The following PLEKHG7 variants were observed in gnomAD, a reference collection of about 807,000 sequenced individuals.
PLEKHG7 encodes pleckstrin homology and RhoGEF domain containing G7, also known as pleckstrin homology domain-containing family G member 7.
In PLEKHG7, 77 loss-of-function variants were observed where a neutral mutation model predicts 85.2. The ratio of observed to expected loss-of-function variants is 0.90; its 90% CI spans 0.75 to 1.09. The LOEUF is 1.09. PLEKHG7 is among the 50% of genes least tolerant of loss of function. PLEKHG7 has a pLI of 0.00. For missense variants in PLEKHG7, 777 were observed against 804.3 expected (o/e 0.97, Z 0.41); for synonymous variants, 301 against 302.4 (o/e 1.00, Z 0.05).
intron 13 of PLEKHG7, among the ~76,000 whole-genome samples, chr12:92,758,957 C>G (rs1288285240): frequency 6.6e-6 from 1 of 152,204 alleles, no homozygotes; most frequent in Non-Finnish European, 1.5e-5. Flanking sequence ...GTCAGGGGAT[C>G]TAGCACCAAT....
chr12:92,771,733 T>C lies in PLEKHG7; in HGVS notation c.*1538T>C, dbSNP rs1013862304. ...CAATCATCTTGCAAATGTTTAGATA[T>C]AAACTAACCTCGGAGGTGAGCAGTG... is the stretch of plus-strand genomic sequence containing the variant. On this transcript the variant is annotated 3_prime_UTR_variant, in exon 17 of 17. Transcript: ENST00000344636. The C allele has an allele frequency of 6.6e-6, 1 of 152,024 alleles. No homozygotes were observed. The highest frequency in any genetic ancestry group is 1.5e-5 in the Non-Finnish European group (1 of 67,926). 9.4% of individuals were successfully genotyped at this position (152,024 alleles called of 1,614,324 possible). A position where few individuals can be genotyped will look rare whatever the true frequency, so the allele number is the denominator to read the frequency against.
At chr12:92,735,314 T>C (rs544088678) in intron 5 of PLEKHG7, among the ~76,000 whole-genome samples, 2 of 152,318 alleles carry the variant, frequency 1.3e-5, no homozygotes, top group East Asian at 1.9e-4. Flanking sequence ...GAGTCTACAA[T>C]AGGTTTCCTC....
chr12:92,753,586 TTCTAGATCAACTGAGCC>T (rs1872748642), intron 10 of PLEKHG7, among the ~76,000 whole-genome samples: 1 of 152,226 alleles, frequency 6.6e-6, no homozygotes, highest in Non-Finnish European at 1.5e-5. Context: ...CCTCTCTTTG[TTCTAGATCAACTGAGCC>T]TCTTCAACTT....
At chr12:92,737,604 TAAAGA>T in intron 7 of PLEKHG7, 83 bp downstream of exon 7, 1 of 1,192,262 alleles carries the variant, frequency 8.4e-7, no homozygotes, top group Non-Finnish European at 1.1e-6. Context: ...CTGAAAGAAA[TAAAGA>T]AAAGAAAGAG....
intron 3 of PLEKHG7, among the ~76,000 whole-genome samples, chr12:92,708,821 C>A (rs1052015322): frequency 6.6e-6 from 1 of 152,142 alleles, no homozygotes; most frequent in Non-Finnish European, 1.5e-5. Context: ...TTGAACTCAG[C>A]GTCAGGGAAT....
chr12:92,706,655 T>C lies in PLEKHG7; in HGVS notation c.24T>C (p.Cys8=). The change falls in exon 2 of 17, where the codon TGT becomes TGC. Residue 8 remains cysteine (C), a synonymous_variant. Coordinates refer to ENST00000344636, the MANE Select transcript of PLEKHG7 (RefSeq NM_001377329.1). MEKTESF[C]PEVPPQDCGA... The stretch of plus-strand genomic sequence containing the variant: ...TTATGGAGAAAACAGAGTCATTCTG[T>C]CCAGAGGTGCCACCCCAAGACTGTG... 1 of 1,613,634 alleles carries C rather than the reference T, an allele frequency of 6.2e-7. No individual in the cohort carries two copies. The highest frequency in any genetic ancestry group is 8.5e-7 in the Non-Finnish European group (1 of 1,179,812).
intron 3 of PLEKHG7, among the ~76,000 whole-genome samples, chr12:92,723,808 T>C (rs1412716466): frequency 1.3e-5 from 2 of 152,104 alleles, no homozygotes; most frequent in South Asian, 4.1e-4. Context: ...AAGAAGGGGT[T>C]GGGGAAGATG....
chr12:92,707,169 G>A, intron 2 of PLEKHG7, 31 bp downstream of exon 2: 1 of 1,583,580 alleles, frequency 6.3e-7, no homozygotes, highest in East Asian at 2.2e-5. Context: ...CGGCCTCTCA[G>A]TTGCTGAACC....
chr12:92,772,442 T>A lies in PLEKHG7; in HGVS notation c.*2247T>A, dbSNP rs561991440. 3.9e-5 allele frequency: 6 copies of A among 151,944 alleles called. No individual in the cohort carries two copies. The highest frequency in any genetic ancestry group is 8.9e-5 in the Non-Finnish European group (6 of 67,780). The allele number at this position is 151,944 out of a possible 1,614,324, so 9.4% of individuals were successfully genotyped here. On this transcript the variant is annotated 3_prime_UTR_variant, in exon 17 of 17. Transcript: ENST00000344636. ...TCCTAATATTCTGTAAATAAATTAA[T>A]GCAAAATGGTTAATACAGTGTTCTC...
intron 13 of PLEKHG7, among the ~76,000 whole-genome samples, chr12:92,760,940 G>A (rs1485777834): frequency 6.6e-6 from 1 of 152,154 alleles, no homozygotes; most frequent in Non-Finnish European, 1.5e-5. Flanking sequence ...AGAAATTTAT[G>A]TCTTACAATC....
At position 92,737,421 on chromosome 12, in the gene PLEKHG7, C is replaced by T. The variant is rs142105488; in HGVS notation, c.839C>T (p.Pro280Leu). 70 of 1,569,622 alleles carry T rather than the reference C, an allele frequency of 4.5e-5. No individual in the cohort carries two copies. The East Asian group carries it at 7.5e-4, about 17-fold the overall frequency. The change falls in exon 7 of 17, where the codon CCG (proline) becomes CTG (leucine). Residue 280 changes from proline to leucine, a missense_variant. Around this residue, in one of 3 missense-constraint regions of PLEKHG7, gnomAD observed 520 missense variants for 544.0 expected, o/e 0.96. Transcript: ENST00000344636. ...DEVLETHHKL[P>L]TDQLDLKKQQ... ...GTCTTGGAAACACATCACAAACTCCCGACCGATCAATTAGACCTGAAAAAG... is the reference window on the plus strand; with the variant it reads ...GTCTTGGAAACACATCACAAACTCCTGACCGATCAATTAGACCTGAAAAAG...
chr12:92,706,971 A>G lies in PLEKHG7; in HGVS notation c.340A>G (p.Arg114Gly). The G allele has an allele frequency of 6.2e-7, 1 of 1,614,170 alleles. No homozygotes were observed. The highest frequency in any genetic ancestry group is 8.5e-7 in the Non-Finnish European group (1 of 1,180,016). The change falls in exon 2 of 17, where the codon AGG becomes GGG. Residue 114 changes from arginine to glycine, a missense_variant. Physicochemically the swap from Arg to Gly is moderately radical, Grantham distance 125. This residue lies in a region of PLEKHG7 where 252 missense variants were observed against 241.9 expected (regional missense o/e 1.04). Coordinates refer to ENST00000344636, the MANE Select transcript of PLEKHG7 (RefSeq NM_001377329.1). ...LHSRLTSEPE[R>G]ALNAADSLEP... ...CTCAAGATTGACCTCTGAACCTGAA[A>G]GGGCCCTGAATGCAGCTGACTCACT...
rs1872338224 is a variant in PLEKHG7, at chr12:92,740,951, G to A, written c.1035+3G>A. ...CAAACCTGGAGGAGTTAACTCAGGTGAGCCAAGTAGGAAGATTCATGTTTT... is the reference window on the plus strand; with the variant it reads ...CAAACCTGGAGGAGTTAACTCAGGTAAGCCAAGTAGGAAGATTCATGTTTT... On this transcript the variant is annotated splice_donor_region_variant and intron_variant, in intron 8 of 16. Coordinates refer to ENST00000344636, the MANE Select transcript of PLEKHG7 (RefSeq NM_001377329.1). The A allele has an allele frequency of 1.9e-6, 3 of 1,583,118 alleles. No homozygotes were observed. Among genetic ancestry groups the A allele is most frequent in the Non-Finnish European group, 2.6e-6 (3 of 1,152,850 alleles).
intron 3 of PLEKHG7, 109 bp downstream of exon 3, chr12:92,707,781 A>C: frequency 6.4e-7 from 1 of 1,570,142 alleles, no homozygotes. Context: ...TAACCAGTGC[A>C]CTTTGTTTTA....
At chr12:92,744,123 C>G (rs746975853) in intron 9 of PLEKHG7, among the ~76,000 whole-genome samples, 6 of 152,204 alleles carry the variant, frequency 3.9e-5, no homozygotes, top group Non-Finnish European at 7.4e-5. Context: ...CCATCTCTGA[C>G]TTTGTTACTG....
In PLEKHG7 at chr12:92,766,180, C is replaced by T. The variant is rs956638717; in HGVS notation, c.1870+1986C>T. On this transcript the variant is annotated intron_variant, in intron 15 of 16. Coordinates refer to ENST00000344636, the MANE Select transcript of PLEKHG7 (RefSeq NM_001377329.1). ...GATAAAACAAAGCCTCAGTATGTGG[C>T]GGCTGGAAATCACTTCTTTTCTGTC... Among the ~76,000 whole-genome samples, 13 of 152,302 alleles carry T rather than the reference C, an allele frequency of 8.5e-5. No individual in the cohort carries two copies. In the East Asian group the frequency reaches 1.9e-3, roughly 23 times the overall value.
chr12:92,761,656 AAGAAAGAAAG>A, intron 13 of PLEKHG7, 86 bp from the exon 14 acceptor site: 1 of 1,284,844 alleles, frequency 7.8e-7, no homozygotes, highest in Non-Finnish European at 1.0e-6. Context: ...GAAAGAAAGA[AAGAAAGAAAG>A]AAAGAAAGAA....
intron 6 of PLEKHG7, 94 bp from the exon 7 acceptor site, chr12:92,737,284 T>C: frequency 8.8e-7 from 1 of 1,131,010 alleles, no homozygotes; most frequent in Non-Finnish European, 1.1e-6. Context: ...CGGGGGTTGC[T>C]TGGTCCTTTG....
chr12:92,754,826 A>G (rs897444202), intron 11 of PLEKHG7, among the ~76,000 whole-genome samples: 6 of 152,194 alleles, frequency 3.9e-5, no homozygotes, highest in Admixed American at 1.3e-4. Context: ...TTTATGCCCA[A>G]AAACCAAGAT....
Sources: allele counts gnomAD v4.1 joint callset (sites outside exome capture counted in the v4.1 genomes callset), GRCh38; gene constraint gnomAD v4.1.1; regional missense constraint gnomAD v4.1.1; transcripts MANE v1.5; gene names NCBI Gene and HGNC (gene_info 2026-07-23, HGNC 2026-07-21).